Variants in CDK19 observed in about 807,000 individuals in gnomAD.
CDK19 encodes the protein cyclin-dependent kinase 19.
Under a neutral mutation model 68.3 loss-of-function variants are expected in CDK19, and 20 were observed. The ratio of observed to expected loss-of-function variants is 0.29; its 90% CI spans 0.21 to 0.43. The LOEUF (loss-of-function observed/expected upper bound fraction) is 0.43, where lower values mean the gene tolerates loss of function less well. Ranked by LOEUF, CDK19 falls within the 20% of genes least tolerant of loss-of-function variation. The pLI, the probability that CDK19 is intolerant of heterozygous loss-of-function variation, is 1.00. For missense variants in CDK19, 339 were observed against 623.5 expected (o/e 0.54, Z 4.86); for synonymous variants, 221 against 222.8 (o/e 0.99, Z 0.07).
intron 1 of CDK19, among the ~76,000 whole-genome samples, chr6:110,797,711 G>A (rs1318297419): frequency 1.2e-4 from 18 of 152,128 alleles, no homozygotes; most frequent in Admixed American, 7.2e-4. Context: ...TAGGCAGGGC[G>A]CAGTGGCGCA....
intron 1 of CDK19, among the ~76,000 whole-genome samples, chr6:110,794,999 T>C (rs1781845173): frequency 1.3e-5 from 2 of 152,200 alleles, no homozygotes; most frequent in Non-Finnish European, 2.9e-5. Flanking sequence ...TGACAGGGTC[T>C]CAGTCTGTCG....
At chr6:110,782,895 T>C (rs577602908) in intron 1 of CDK19, among the ~76,000 whole-genome samples, 1 of 152,198 alleles carries the variant, frequency 6.6e-6, no homozygotes, top group Non-Finnish European at 1.5e-5. Flanking sequence ...CACAATTTTA[T>C]ACATTTTGCT....
chr6:110,712,526 T>C (rs1221078095), intron 2 of CDK19, among the ~76,000 whole-genome samples: 1 of 152,230 alleles, frequency 6.6e-6, no homozygotes, highest in Non-Finnish European at 1.5e-5. Flanking sequence ...TCTCTTCTAG[T>C]GGATTTCACA....
intron 1 of CDK19, among the ~76,000 whole-genome samples, chr6:110,765,062 T>C (rs1410231849): frequency 6.6e-6 from 1 of 151,614 alleles, no homozygotes; most frequent in Non-Finnish European, 1.5e-5. Context: ...TTTTTTTTTT[T>C]AATTTGGGAA....
At chr6:110,672,775 T>C (rs1771133041) in intron 2 of CDK19, among the ~76,000 whole-genome samples, 1 of 152,186 alleles carries the variant, frequency 6.6e-6, no homozygotes, top group African/African-American at 2.4e-5. Flanking sequence ...AATATCAATA[T>C]TAGAAATACT....
chr6:110,796,668 A>AAT (rs1781958259), intron 1 of CDK19, among the ~76,000 whole-genome samples: 1 of 151,944 alleles, frequency 6.6e-6, no homozygotes. Context: ...TAAATAAATA[A>AAT]AAATAAAATA....
chr6:110,727,921 G>C lies in CDK19; in HGVS notation c.204+18205C>G, dbSNP rs185567831. On this transcript the variant is annotated intron_variant, in intron 2 of 12. Coordinates refer to ENST00000368911, the MANE Select transcript of CDK19 (RefSeq NM_015076.5). Reference sequence around the variant, plus strand: ...GAGGATCATTGGAGGCCAGAAAATCGAGGCTGCAAAGCACTATTATCCTGC... The same window carrying C: ...GAGGATCATTGGAGGCCAGAAAATCCAGGCTGCAAAGCACTATTATCCTGC... Among the ~76,000 whole-genome samples, 4 of 151,442 alleles carry C rather than the reference G, an allele frequency of 2.6e-5. No homozygotes were observed. In the East Asian group the frequency reaches 7.8e-4, roughly 29 times the overall value.
intron 2 of CDK19, among the ~76,000 whole-genome samples, chr6:110,735,568 C>A (rs1332343147): frequency 6.6e-6 from 1 of 152,094 alleles, no homozygotes. Flanking sequence ...CTAAGATTCA[C>A]AGGAATTAGA....
intron 4 of CDK19, among the ~76,000 whole-genome samples, chr6:110,640,154 G>A (rs1181509795): frequency 4.8e-5 from 7 of 147,048 alleles, no homozygotes; most frequent in East Asian, 4.1e-4. Context: ...CTAGCAGATT[G>A]AGGCTACCAG....
rs529969131 is a variant in CDK19 at position 110,768,577 on chromosome 6, G to A, written c.129-22376C>T. ...AAAAAGAAATGAGCTATCAAGCCAT[G>A]ACAAGACATAGAGGATTCTCAAATG... On this transcript the variant is annotated intron_variant, in intron 1 of 12. Transcript: ENST00000368911. 3.3e-5 allele frequency among the ~76,000 whole-genome samples: 5 copies of A among 152,294 alleles called. No homozygotes were observed. In the South Asian group the frequency reaches 1.0e-3, roughly 32 times the overall value.
At chr6:110,638,119 C>T in intron 5 of CDK19, among the ~76,000 whole-genome samples, 1 of 152,076 alleles carries the variant, frequency 6.6e-6, no homozygotes, top group Middle Eastern at 3.2e-3. Flanking sequence ...AAGAATCCTG[C>T]CAGTGCCTCA....
rs1053061089 is a variant in CDK19, at chr6:110,621,744, C to T, written c.1110+344G>A. Among the ~76,000 whole-genome samples the T allele has an allele frequency of 1.3e-5, 2 of 152,072 alleles. No individual in the cohort carries two copies. The highest frequency in any genetic ancestry group is 1.3e-4 in the Admixed American group (2 of 15,274). On this transcript the variant is annotated intron_variant, in intron 11 of 12. Transcript: ENST00000368911. The surrounding 1 kb of genome is among the most constrained non-coding windows in gnomAD (Gnocchi z 5.4). ...AGGCAGAGCGGTCTGGAGAGTGAGC[C>T]AATATATCCAGTTAAGACGAAAGAA...
intron 1 of CDK19, among the ~76,000 whole-genome samples, chr6:110,759,428 AAT>A (rs34490988): frequency 7.7e-4 from 39 of 50,908 alleles, no homozygotes; most frequent in South Asian, 2.3e-3. Flanking sequence ...AAAAAAAAAA[AAT>A]ATATATATAT....
At chr6:110,654,000 G>A (rs916210174) in intron 4 of CDK19, among the ~76,000 whole-genome samples, 1 of 152,118 alleles carries the variant, frequency 6.6e-6, no homozygotes, top group Non-Finnish European at 1.5e-5. Context: ...TACCAATAAA[G>A]AGAGAAAAAG....
At chr6:110,787,200 C>G (rs762084518) in intron 1 of CDK19, among the ~76,000 whole-genome samples, 1 of 152,026 alleles carries the variant, frequency 6.6e-6, no homozygotes, top group Non-Finnish European at 1.5e-5. Context: ...ATGGTGAAAC[C>G]CTGTCTCTAC....
chr6:110,653,558 C>T (rs1781111046), intron 4 of CDK19, among the ~76,000 whole-genome samples: 1 of 152,146 alleles, frequency 6.6e-6, no homozygotes, highest in Non-Finnish European at 1.5e-5. Flanking sequence ...GCTGGGTTTG[C>T]ACACTTTGGT....
chr6:110,671,020 G>A (rs1770963602), intron 2 of CDK19, among the ~76,000 whole-genome samples: 1 of 152,068 alleles, frequency 6.6e-6, no homozygotes, highest in Non-Finnish European at 1.5e-5. Flanking sequence ...GACAAAACAA[G>A]GAAAGATATT....
At chr6:110,731,246 T>C (rs1178067078) in intron 2 of CDK19, among the ~76,000 whole-genome samples, 1 of 152,152 alleles carries the variant, frequency 6.6e-6, no homozygotes, top group Non-Finnish European at 1.5e-5. Flanking sequence ...AGGTGATACG[T>C]AGGGCCATAA....
rs977830396 is a variant in CDK19 at position 110,785,320 on chromosome 6, A to G, written c.128+29689T>C. Among the ~76,000 whole-genome samples, 7 of 152,246 alleles carry G rather than the reference A, an allele frequency of 4.6e-5. No individual in the cohort carries two copies. In the East Asian group the frequency reaches 1.2e-3, roughly 25 times the overall value. ...GGCGCTTACCCCACACACAGTCAAA[A>G]ACCCACATGCAACTTCTGACTCCCA... On this transcript the variant is annotated intron_variant, in intron 1 of 12. Transcript: ENST00000368911.
Sources: allele counts gnomAD v4.1 joint callset (sites outside exome capture counted in the v4.1 genomes callset), GRCh38; gene constraint gnomAD v4.1.1; non-coding constraint Gnocchi (gnomAD v3.1); transcripts MANE v1.5; gene names NCBI Gene and HGNC (gene_info 2026-07-23, HGNC 2026-07-21).